The following SAMD12 variants were observed in gnomAD, a reference collection of about 807,000 sequenced individuals.
SAMD12 encodes sterile alpha motif domain-containing protein 12.
SAMD12 carries 9 observed loss-of-function variants against 15.0 expected under a neutral mutation model. That is an observed-to-expected ratio of 0.60 (90% CI 0.36 to 1.05). SAMD12 has a LOEUF of 1.05. SAMD12 is among the 50% of genes least tolerant of loss of function. SAMD12 has a pLI of 0.01. For missense variants in SAMD12, 230 were observed against 234.2 expected (o/e 0.98, Z 0.12); for synonymous variants, 86 against 90.1 (o/e 0.96, Z 0.25).
At chr8:118,551,143 C>A (rs915587860) in intron 2 of SAMD12, among the ~76,000 whole-genome samples, 1 of 152,148 alleles carries the variant, frequency 6.6e-6, no homozygotes, top group African/African-American at 2.4e-5. Flanking sequence ...CAAGGATACC[C>A]AGGAATGGAA....
At chr8:118,246,090 G>A (rs1812683422) in intron 4 of SAMD12, among the ~76,000 whole-genome samples, 1 of 152,058 alleles carries the variant, frequency 6.6e-6, no homozygotes, top group Admixed American at 6.6e-5. Flanking sequence ...CTACTATGTG[G>A]GTATCAAACA....
At chr8:118,599,481 G>C (rs1015635709) in intron 1 of SAMD12, among the ~76,000 whole-genome samples, 1 of 152,180 alleles carries the variant, frequency 6.6e-6, no homozygotes, top group Admixed American at 6.5e-5. Flanking sequence ...CTGCTGGCCT[G>C]CCCAGGTGCG....
At chr8:118,246,258 C>T (rs1196809060) in intron 4 of SAMD12, among the ~76,000 whole-genome samples, 1 of 152,104 alleles carries the variant, frequency 6.6e-6, no homozygotes, top group South Asian at 2.1e-4. Flanking sequence ...AAAGTCTGAG[C>T]CAATCATGAC....
chr8:118,155,321 C>T, the SAMD12 span, among the ~76,000 whole-genome samples: 4 of 152,126 alleles, frequency 2.6e-5, no homozygotes, highest in African/African-American at 9.7e-5. Context: ...ACACACAGAC[C>T]AGATACATCA....
chr8:118,515,327 T>C (rs7823933), intron 2 of SAMD12, among the ~76,000 whole-genome samples: 58,289 of 151,230 alleles, frequency 0.39, 11,363 homozygotes, highest in Admixed American at 0.44. Context: ...CCTCCTTCTC[T>C]TTCTTCCTCC....
intron 4 of SAMD12, chr8:118,291,442 G>A (rs1311336294): frequency 6.6e-6 from 1 of 152,046 alleles, no homozygotes; most frequent in African/African-American, 2.4e-5. Context: ...AACAGGAAGT[G>A]GAAAAAAGAA....
the SAMD12 span, among the ~76,000 whole-genome samples, chr8:118,155,351 A>G: frequency 1.3e-5 from 2 of 152,324 alleles, no homozygotes; most frequent in South Asian, 4.1e-4. Context: ...GTGCTCGATG[A>G]ACAGTGTTTT....
chr8:118,351,110 T>C (rs949006501), intron 4 of SAMD12, among the ~76,000 whole-genome samples: 4 of 152,240 alleles, frequency 2.6e-5, no homozygotes, highest in Non-Finnish European at 5.9e-5. Flanking sequence ...ATGAGCTATA[T>C]GGTTCTTCTT....
At chr8:118,300,330 G>T (rs770970061) in intron 4 of SAMD12, among the ~76,000 whole-genome samples, 2 of 151,960 alleles carry the variant, frequency 1.3e-5, no homozygotes, top group Non-Finnish European at 2.9e-5. Context: ...ACCATTCCTA[G>T]TTTCTCCTAT....
chr8:118,271,574 C>T (rs936213460), intron 4 of SAMD12, among the ~76,000 whole-genome samples: 3 of 152,182 alleles, frequency 2.0e-5, no homozygotes, highest in Non-Finnish European at 4.4e-5. Flanking sequence ...TCCAAAATCT[C>T]ATCTGAGACA....
intron 2 of SAMD12, among the ~76,000 whole-genome samples, chr8:118,481,109 ATTT>A (rs769363724): frequency 1.3e-5 from 2 of 149,774 alleles, no homozygotes; most frequent in African/African-American, 4.9e-5. Context: ...AGCCTGGCTA[ATTT>A]TTTTTTTATT....
At chr8:118,615,417 G>A (rs1019442252) in intron 1 of SAMD12, among the ~76,000 whole-genome samples, 3 of 152,114 alleles carry the variant, frequency 2.0e-5, no homozygotes, top group Admixed American at 6.6e-5. Flanking sequence ...GGCCGGGACT[G>A]GCAGGGGTCA....
rs575129884 is a variant in SAMD12, at chr8:118,351,389, C to A, written c.433+28171G>T. Among the ~76,000 whole-genome samples, 147 of 152,180 alleles carry A rather than the reference C, an allele frequency of 9.7e-4. 1 individual carries two copies. Among genetic ancestry groups the A allele is most frequent in the African/African-American group, 3.5e-3 (145 of 41,514 alleles). Reference sequence around the variant, plus strand: ...GGGAATTTGGAATTGGGATGGGAAGCGGCAGAACCTTCTCCTTTTATTTTA... The same window carrying A: ...GGGAATTTGGAATTGGGATGGGAAGAGGCAGAACCTTCTCCTTTTATTTTA... On this transcript the variant is annotated intron_variant, in intron 4 of 4. Coordinates refer to the SAMD12 transcript ENST00000409003.
At chr8:118,619,440 C>G (rs1818749) in intron 1 of SAMD12, among the ~76,000 whole-genome samples, 73,108 of 144,450 alleles carry the variant, frequency 0.51, 21,347 homozygotes, top group Non-Finnish European at 0.64. Flanking sequence ...GACCGCGCCA[C>G]TGTACTCTAG....
At chr8:118,440,033 G>C in intron 2 of SAMD12, 72 bp from the exon 3 acceptor site, 1 of 1,503,004 alleles carries the variant, frequency 6.7e-7, no homozygotes, top group Non-Finnish European at 9.2e-7. Context: ...AAAAGTCTTA[G>C]AGTGTGTTAA....
chr8:118,157,666 G>T, the SAMD12 span, among the ~76,000 whole-genome samples: 1 of 152,154 alleles, frequency 6.6e-6, no homozygotes, highest in Admixed American at 6.5e-5. Flanking sequence ...TCATAAATAG[G>T]AGCTATTTCG....
At chr8:118,412,244 G>A (rs564078203) in intron 3 of SAMD12, among the ~76,000 whole-genome samples, 7 of 152,184 alleles carry the variant, frequency 4.6e-5, no homozygotes, top group Non-Finnish European at 5.9e-5. Context: ...TTATGTTGGA[G>A]GACAGATAGT....
intron 4 of SAMD12, among the ~76,000 whole-genome samples, chr8:118,350,978 A>G (rs1817935993): frequency 6.6e-6 from 1 of 152,194 alleles, no homozygotes; most frequent in Non-Finnish European, 1.5e-5. Flanking sequence ...TTTTGATCAC[A>G]TCCCATCATC....
At chr8:118,275,444 T>A (rs1264915435) in intron 4 of SAMD12, among the ~76,000 whole-genome samples, 1 of 152,234 alleles carries the variant, frequency 6.6e-6, no homozygotes, top group Admixed American at 6.5e-5. Flanking sequence ...CCTTGTAAGA[T>A]AAGTTTGGGG....
Sources: gnomAD v4.1 joint callset for allele counts (sites outside exome capture counted in the v4.1 genomes callset) on GRCh38, gnomAD v4.1.1 for gene constraint, MANE v1.5 for transcripts, NCBI Gene and HGNC (gene_info 2026-07-23, HGNC 2026-07-21) for gene names.